TYW1: variants seen among roughly 807,000 people sequenced by gnomAD.
TYW1 encodes S-adenosyl-L-methionine-dependent tRNA 4-demethylwyosine synthase TYW1.
A neutral mutation model predicts 96.2 loss-of-function variants in TYW1; 46 were observed. The ratio of observed to expected loss-of-function variants is 0.48; its 90% CI spans 0.38 to 0.61. TYW1 has a LOEUF of 0.61. TYW1 is among the 20% of genes least tolerant of loss of function. TYW1 has a pLI of 0.00. For missense variants in TYW1, 684 were observed against 909.6 expected, an observed-to-expected ratio of 0.75 and a Z score of 3.19; for synonymous variants, 274 against 323.0, an observed-to-expected ratio of 0.85 and a Z score of 1.63.
At chr7:67,067,897 T>C (rs1217474288) in intron 10 of TYW1, among the ~76,000 whole-genome samples, 1 of 152,228 alleles carries the variant, frequency 6.6e-6, no homozygotes, top group Non-Finnish European at 1.5e-5. Flanking sequence ...GCCCATTGTA[T>C]GCAGAATTGA....
In TYW1 at chr7:67,074,117, T is replaced by C. The variant is rs1354995432; in HGVS notation, c.1274+6714T>C. ...ATAAAATGTGACCAAAAAACCACTT[T>C]TTAGGAATAGAGTATGTGCTTACAG... On this transcript the variant is annotated intron_variant, in intron 10 of 15. Coordinates refer to ENST00000359626, the MANE Select transcript of TYW1 (RefSeq NM_018264.4). Among the ~76,000 whole-genome samples, 4 of 151,986 alleles carry C rather than the reference T, an allele frequency of 2.6e-5. No homozygotes were observed. The East Asian group carries it at 7.7e-4, about 29-fold the overall frequency.
At chr7:67,001,954 A>C (rs911633587) in intron 3 of TYW1, among the ~76,000 whole-genome samples, 1 of 151,826 alleles carries the variant, frequency 6.6e-6, no homozygotes. Flanking sequence ...GAATTGCTTG[A>C]ATCTGGGAGG....
At chr7:67,029,385 G>GCA (rs1794571007) in intron 7 of TYW1, among the ~76,000 whole-genome samples, 2 of 89,004 alleles carry the variant, frequency 2.2e-5, no homozygotes, top group African/African-American at 8.4e-5. Flanking sequence ...GTGTGTGCGT[G>GCA]TGTGTGTGTG....
chr7:67,117,141 A>C (rs1797620967), intron 12 of TYW1, among the ~76,000 whole-genome samples: 1 of 152,176 alleles, frequency 6.6e-6, no homozygotes, highest in Admixed American at 6.5e-5. Context: ...TAGATCAGAG[A>C]GCCCCTCTAA....
At chr7:67,110,911 G>A (rs1368937872) in intron 12 of TYW1, among the ~76,000 whole-genome samples, 1 of 152,134 alleles carries the variant, frequency 6.6e-6, no homozygotes, top group Non-Finnish European at 1.5e-5. Context: ...ATGCTGAGTT[G>A]GGAGGGTTGC....
At chr7:67,237,223 G>A (rs975290823) in intron 15 of TYW1, among the ~76,000 whole-genome samples, 2 of 144,084 alleles carry the variant, frequency 1.4e-5, no homozygotes, top group East Asian at 2.0e-4. Context: ...GGCATGGGCC[G>A]GGCGTGGTGG....
intron 15 of TYW1, among the ~76,000 whole-genome samples, chr7:67,224,185 T>C (rs1302086743): frequency 6.6e-6 from 1 of 152,376 alleles, no homozygotes; most frequent in Non-Finnish European, 1.5e-5. Context: ...TGGAGTGCAA[T>C]GGCACGATCT....
At chr7:67,218,060 T>C (rs1252799407) in intron 15 of TYW1, among the ~76,000 whole-genome samples, 1 of 151,628 alleles carries the variant, frequency 6.6e-6, no homozygotes, top group East Asian at 1.9e-4. Flanking sequence ...GATTTCACCA[T>C]GTTGGCCAGG....
At chr7:67,112,625 A>G (rs1202247262) in intron 12 of TYW1, among the ~76,000 whole-genome samples, 2 of 151,956 alleles carry the variant, frequency 1.3e-5, no homozygotes, top group African/African-American at 4.8e-5. Flanking sequence ...TTTAAAAAAA[A>G]AAAAAAGAAA....
chr7:67,038,873 C>T (rs77917725), intron 7 of TYW1, among the ~76,000 whole-genome samples: 19,457 of 152,204 alleles, frequency 0.13, 1,516 homozygotes, highest in East Asian at 0.3. Context: ...CACTGCACTC[C>T]AGCCTGGGCA....
chr7:67,191,698 A>C (rs1639025611), intron 14 of TYW1, among the ~76,000 whole-genome samples: 1 of 150,738 alleles, frequency 6.6e-6, no homozygotes, highest in Non-Finnish European at 1.5e-5. Context: ...CAGTCGCAGC[A>C]GAGAGAAAAC....
intron 14 of TYW1, among the ~76,000 whole-genome samples, chr7:67,193,548 C>T (rs1800290100): frequency 6.6e-6 from 1 of 152,252 alleles, no homozygotes; most frequent in South Asian, 2.1e-4. Flanking sequence ...CAATTGAGGT[C>T]AGGAGTTCAA....
chr7:67,226,026 A>G (rs2116431755), intron 15 of TYW1, among the ~76,000 whole-genome samples: 1 of 151,038 alleles, frequency 6.6e-6, no homozygotes, highest in East Asian at 1.9e-4. Flanking sequence ...AGCAAGAACA[A>G]ATTTTGGTAA....
chr7:67,194,619 G>A (rs1225487644), intron 14 of TYW1, among the ~76,000 whole-genome samples: 1 of 142,390 alleles, frequency 7.0e-6, no homozygotes, highest in Non-Finnish European at 1.5e-5. Context: ...GCAAGACTCT[G>A]ACTCAAAAAT....
intron 12 of TYW1, among the ~76,000 whole-genome samples, chr7:67,100,756 CG>C (rs1011575397): frequency 1.4e-4 from 20 of 141,806 alleles, no homozygotes; most frequent in Admixed American, 7.5e-5. Flanking sequence ...CCCAGCTAGT[CG>C]GGAGGCTGAG....
intron 13 of TYW1, among the ~76,000 whole-genome samples, chr7:67,141,547 C>G (rs1798448941): frequency 1.3e-5 from 2 of 152,164 alleles, no homozygotes; most frequent in Admixed American, 1.3e-4. Flanking sequence ...TCGTGTTTGT[C>G]TAGCCAAAAT....
At chr7:67,226,943 G>T (rs186002983) in intron 15 of TYW1, among the ~76,000 whole-genome samples, 9 of 151,522 alleles carry the variant, frequency 5.9e-5, no homozygotes, top group Non-Finnish European at 1.0e-4. Context: ...AAGTATGATT[G>T]TATGTTTGGA....
chr7:66,999,252 C>G (rs1793295786), intron 3 of TYW1, among the ~76,000 whole-genome samples: 1 of 152,134 alleles, frequency 6.6e-6, no homozygotes. Context: ...AGTTGTGAGT[C>G]CATTATCGAT....
chr7:67,182,741 T>G (rs901786774), intron 13 of TYW1, among the ~76,000 whole-genome samples: 1 of 137,674 alleles, frequency 7.3e-6, no homozygotes, highest in Non-Finnish European at 1.6e-5. Context: ...CACTAACAAC[T>G]TGGGTGATTA....
Sources: gnomAD v4.1 joint callset for allele counts (sites outside exome capture counted in the v4.1 genomes callset) on GRCh38, gnomAD v4.1.1 for gene constraint, MANE v1.5 for transcripts, NCBI Gene and HGNC (gene_info 2026-07-23, HGNC 2026-07-21) for gene names.